The following VPS13B variants were observed in gnomAD, a reference collection of about 807,000 sequenced individuals.
The protein encoded by VPS13B is vacuolar protein sorting 13 homolog B, also known as intermembrane lipid transfer protein VPS13B.
A neutral mutation model predicts 426.4 loss-of-function variants in VPS13B; 285 were observed. The observed-to-expected ratio is 0.67, with a 90% CI of 0.61 to 0.74. The LOEUF is 0.74. Ranked by LOEUF, VPS13B falls within the 30% of genes least tolerant of loss-of-function variation. VPS13B has a pLI of 0.00. For synonymous variants in VPS13B, 1,676 were observed against 1,676.4 expected, an observed-to-expected ratio of 1.00 and a Z score of 0.01; for missense variants, 4,537 against 4,782.6, an observed-to-expected ratio of 0.95 and a Z score of 1.51.
At chr8:99,784,614 C>A in intron 43 of VPS13B, 138 bp downstream of exon 43, 1 of 1,190,358 alleles carries the variant, frequency 8.4e-7, no homozygotes, top group Non-Finnish European at 1.2e-6. Flanking sequence ...TGACGGAAAC[C>A]CAAGAGTGTT....
intron 43 of VPS13B, among the ~76,000 whole-genome samples, chr8:99,800,336 G>GT (rs1813058941): frequency 6.6e-6 from 1 of 152,046 alleles, no homozygotes; most frequent in Non-Finnish European, 1.5e-5. Context: ...CACAGCTCAT[G>GT]TTTTTTCAGT....
intron 19 of VPS13B, among the ~76,000 whole-genome samples, chr8:99,345,381 C>T (rs1472728422): frequency 6.6e-6 from 1 of 152,114 alleles, no homozygotes; most frequent in Non-Finnish European, 1.5e-5. Flanking sequence ...CTATTTTAGG[C>T]TTTGTAGGCC....
chr8:99,232,834 C>T (rs894610104), intron 17 of VPS13B, among the ~76,000 whole-genome samples: 22 of 152,122 alleles, frequency 1.4e-4, no homozygotes, highest in Non-Finnish European at 2.2e-4. Context: ...AGGCAGGGCC[C>T]GGAGGTTCTG....
chr8:99,430,865 C>T (rs1292775774), intron 21 of VPS13B, among the ~76,000 whole-genome samples: 1 of 152,088 alleles, frequency 6.6e-6, no homozygotes, highest in Admixed American at 6.6e-5. Flanking sequence ...ATTACAGGTG[C>T]CTGCCACCAT....
intron 47 of VPS13B, 89 bp downstream of exon 47, chr8:99,818,977 G>A: frequency 1.1e-6 from 1 of 950,382 alleles, no homozygotes; most frequent in East Asian, 2.7e-5. Context: ...GGCGGGGGAG[G>A]GGTGGGTAGG....
At chr8:99,767,196 A>G (rs1811268198) in intron 40 of VPS13B, among the ~76,000 whole-genome samples, 1 of 152,114 alleles carries the variant, frequency 6.6e-6, no homozygotes, top group Non-Finnish European at 1.5e-5. Context: ...AGCCCTCACT[A>G]AGAACCTGTT....
intron 3 of VPS13B, among the ~76,000 whole-genome samples, chr8:99,069,802 G>A (rs931505591): frequency 7.9e-5 from 12 of 152,188 alleles, no homozygotes; most frequent in African/African-American, 2.7e-4. Context: ...AGCGCATATA[G>A]TTTACTTTTA....
In VPS13B at chr8:99,823,685, C is replaced by T. The variant is rs545737007; in HGVS notation, c.9184-147C>T. 7.0e-5 allele frequency: 57 copies of T among 811,716 alleles called. No individual in the cohort carries two copies. In the Middle Eastern group the frequency reaches 1.1e-3, roughly 16 times the overall value. 50.3% of individuals were successfully genotyped at this position (811,716 alleles called of 1,614,324 possible). A position where few individuals can be genotyped will look rare whatever the true frequency, so the allele number is the denominator to read the frequency against. On this transcript the variant is annotated intron_variant, in intron 50 of 61. Coordinates refer to ENST00000357162, the MANE Select transcript of VPS13B (RefSeq NM_152564.5). ...AGAACATTTCTGAGAATGAAAGGAA[C>T]GCCATTAAATATTCTGGGGAAAAAC...
intron 30 of VPS13B, among the ~76,000 whole-genome samples, chr8:99,555,742 CTT>C (rs1824527444): frequency 6.6e-6 from 1 of 152,108 alleles, no homozygotes; most frequent in Non-Finnish European, 1.5e-5. Flanking sequence ...TTTAATTTAA[CTT>C]TACAGATTAT....
intron 23 of VPS13B, among the ~76,000 whole-genome samples, chr8:99,459,393 G>A (rs1416672990): frequency 2.0e-5 from 3 of 152,086 alleles, no homozygotes; most frequent in Non-Finnish European, 4.4e-5. Flanking sequence ...TTTGGTTCAT[G>A]TACAGTCATG....
At chr8:99,768,985 G>A (rs1047585519) in intron 40 of VPS13B, among the ~76,000 whole-genome samples, 105 of 152,162 alleles carry the variant, frequency 6.9e-4, no homozygotes, top group African/African-American at 2.4e-3. Flanking sequence ...TTTCACCATC[G>A]AAAGAAGCAT....
intron 35 of VPS13B, among the ~76,000 whole-genome samples, chr8:99,689,040 G>A (rs776707961): frequency 1.3e-5 from 2 of 152,008 alleles, no homozygotes; most frequent in Non-Finnish European, 2.9e-5. Flanking sequence ...TTGAAAAAGG[G>A]ACTGTTCAGG....
At chr8:99,746,059 G>A (rs946245778) in intron 39 of VPS13B, among the ~76,000 whole-genome samples, 24 of 152,008 alleles carry the variant, frequency 1.6e-4, no homozygotes, top group African/African-American at 3.1e-4. Context: ...CCCTTATGCC[G>A]TTTACTTATT....
intron 33 of VPS13B, among the ~76,000 whole-genome samples, chr8:99,625,970 T>G (rs1481271638): frequency 6.6e-6 from 1 of 152,194 alleles, no homozygotes; most frequent in Non-Finnish European, 1.5e-5. Context: ...TAATACTGAC[T>G]TTACAGAAAT....
chr8:99,842,039 T>G (rs1257871468), intron 54 of VPS13B, among the ~76,000 whole-genome samples: 1 of 152,138 alleles, frequency 6.6e-6, no homozygotes, highest in Non-Finnish European at 1.5e-5. Flanking sequence ...CTCAATCACC[T>G]CTTCCCGCCT....
At chr8:99,625,895 C>T (rs1255922035) in intron 33 of VPS13B, among the ~76,000 whole-genome samples, 2 of 152,038 alleles carry the variant, frequency 1.3e-5, no homozygotes, top group Non-Finnish European at 2.9e-5. Context: ...ATTGACAACT[C>T]TTAGCTAGTC....
chr8:99,491,434 T>C (rs1344597413), intron 25 of VPS13B, among the ~76,000 whole-genome samples: 1 of 152,244 alleles, frequency 6.6e-6, no homozygotes, highest in African/African-American at 2.4e-5. Flanking sequence ...GAAGTTCTCC[T>C]GGATAATATC....
At chr8:99,038,677 TA>T in intron 3 of VPS13B, 111 bp downstream of exon 3, 2 of 579,088 alleles carry the variant, frequency 3.5e-6, no homozygotes, top group Non-Finnish European at 5.4e-6. Context: ...TTAGCTTATA[TA>T]CTTTTTTTTT....
At chr8:99,584,504 C>A (rs1480012173) in intron 33 of VPS13B, among the ~76,000 whole-genome samples, 1 of 152,178 alleles carries the variant, frequency 6.6e-6, no homozygotes, top group Non-Finnish European at 1.5e-5. Context: ...TTACTATATG[C>A]CAGATACACT....
Sources: allele counts gnomAD v4.1 joint callset (sites outside exome capture counted in the v4.1 genomes callset), GRCh38; gene constraint gnomAD v4.1.1; transcripts MANE v1.5; gene names NCBI Gene and HGNC (gene_info 2026-07-23, HGNC 2026-07-21).